Variants in PRAG1 observed in about 807,000 individuals in gnomAD.
The protein encoded by PRAG1 is PEAK1 related, kinase-activating pseudokinase 1, also known as inactive tyrosine-protein kinase PRAG1.
A neutral mutation model predicts 95.6 loss-of-function variants in PRAG1; 110 were observed. The observed-to-expected ratio is 1.15, with a 90% CI of 0.99 to 1.35. PRAG1 has a LOEUF of 1.35. PRAG1 is among the 40% of genes most tolerant of loss of function. The probability of loss-of-function intolerance (pLI) is 0.00; values close to 1 mark genes in which losing one functional copy is unlikely to be tolerated. For synonymous variants in PRAG1, 1,052 were observed against 819.4 expected, an observed-to-expected ratio of 1.28 and a Z score of -4.85; for missense variants, 2,554 against 1,864.7, an observed-to-expected ratio of 1.37 and a Z score of -6.81.
chr8:8,378,109 T>G, intron 2 of PRAG1, 31 bp from the exon 3 acceptor site: 1 of 1,508,148 alleles, frequency 6.6e-7, no homozygotes. Flanking sequence ...AAAAGACTTA[T>G]ATTAGAACTT....
Position 8,343,415 on chromosome 8 carries a change from G to A in PRAG1, c.2163-3780C>T, listed in dbSNP as rs547146626. Among the ~76,000 whole-genome samples the A allele has an allele frequency of 3.7e-4, 57 of 152,290 alleles. 1 individual carries two copies. Among genetic ancestry groups the A allele is most frequent in the African/African-American group, 1.3e-3 (55 of 41,560 alleles). On this transcript the variant is annotated intron_variant, in intron 3 of 5. Coordinates refer to ENST00000615670, the MANE Select transcript of PRAG1 (RefSeq NM_001080826.3). Reference sequence around the variant, plus strand: ...CAATGTTACTTAAATAACTAGTAATGAATGAATGGCTAAGTCACTTGAGTG... The same window carrying A: ...CAATGTTACTTAAATAACTAGTAATAAATGAATGGCTAAGTCACTTGAGTG...
intron 1 of PRAG1, among the ~76,000 whole-genome samples, chr8:8,383,308 C>T (rs946433621): frequency 6.6e-6 from 1 of 152,166 alleles, no homozygotes; most frequent in Non-Finnish European, 1.5e-5. Context: ...CGGTGGCTCA[C>T]GCCTGTAATC....
intron 3 of PRAG1, among the ~76,000 whole-genome samples, chr8:8,367,380 C>T (rs1037761091): frequency 7.9e-6 from 1 of 126,442 alleles, no homozygotes; most frequent in African/African-American, 3.1e-5. Flanking sequence ...ATCGCTTGAA[C>T]CCGGGAGGCA....
intron 4 of PRAG1, among the ~76,000 whole-genome samples, chr8:8,333,588 A>G (rs1020169439): frequency 2.6e-5 from 4 of 152,186 alleles, no homozygotes; most frequent in Non-Finnish European, 5.9e-5. Flanking sequence ...GGTTTTCCTT[A>G]TTATAGAGTC....
intron 3 of PRAG1, 80 bp from the exon 4 acceptor site, chr8:8,339,715 C>G (rs1799105770): frequency 4.2e-6 from 6 of 1,428,790 alleles, no homozygotes; most frequent in Admixed American, 2.0e-5. Context: ...CATGAACTTA[C>G]CATGCTCTTG....
intron 3 of PRAG1, among the ~76,000 whole-genome samples, chr8:8,346,192 C>T (rs962582111): frequency 7.2e-5 from 11 of 152,354 alleles, no homozygotes; most frequent in Non-Finnish European, 1.2e-4. Flanking sequence ...ATAATTTGAT[C>T]TGTCTTTCAC....
chr8:8,347,223 G>T (rs1403651904), intron 3 of PRAG1, among the ~76,000 whole-genome samples: 2 of 152,202 alleles, frequency 1.3e-5, no homozygotes, highest in African/African-American at 2.4e-5. Flanking sequence ...GACTAGCTGG[G>T]ACAGTGACTT....
intron 5 of PRAG1, 34 bp downstream of exon 5, chr8:8,327,676 G>A (rs759486364): frequency 6.3e-7 from 1 of 1,580,748 alleles, no homozygotes; most frequent in Non-Finnish European, 8.6e-7. Context: ...CCAGCCAGTG[G>A]CACAGCAGAA....
chr8:8,384,255 A>C (rs1383180060), intron 1 of PRAG1, among the ~76,000 whole-genome samples: 1 of 152,044 alleles, frequency 6.6e-6, no homozygotes, highest in Non-Finnish European at 1.5e-5. Context: ...AAGGGGTGAC[A>C]TTGGTATCAG....
intron 1 of PRAG1, among the ~76,000 whole-genome samples, chr8:8,384,817 GC>G (rs1279651937): frequency 6.6e-6 from 1 of 152,124 alleles, no homozygotes; most frequent in Non-Finnish European, 1.5e-5. Flanking sequence ...AGGGGAGGCA[GC>G]CCCCAGAATT....
chr8:8,343,740 G>C (rs757170053), intron 3 of PRAG1, among the ~76,000 whole-genome samples: 4 of 152,162 alleles, frequency 2.6e-5, no homozygotes, highest in Non-Finnish European at 5.9e-5. Context: ...TGCTGTTGTA[G>C]CTGGAAAGCC....
chr8:8,381,620 A>G lies in PRAG1; in HGVS notation c.128T>C (p.Val43Ala), dbSNP rs1482069066. 3 of 1,609,076 alleles carry G rather than the reference A, an allele frequency of 1.9e-6. No individual in the cohort carries two copies. Among genetic ancestry groups the G allele is most frequent in the Admixed American group, 1.7e-5 (1 of 59,948 alleles). ...CFCLRSDHQL[V>A]AGPPQPRAGS... ...CGCTCTGGGCTGGGGAGGGCCGGCC[A>G]CCAGCTGGTGGTCGCTCCGCAGGCA... The change falls in exon 2 of 6, where the codon GTG (valine) becomes GCG (alanine). Residue 43 changes from valine to alanine, a missense_variant. Val to Ala is a moderately conservative substitution (Grantham distance 64, BLOSUM62 0). Coordinates refer to ENST00000615670, the MANE Select transcript of PRAG1 (RefSeq NM_001080826.3).
At chr8:8,352,570 C>T (rs1430307277) in intron 3 of PRAG1, among the ~76,000 whole-genome samples, 1 of 152,190 alleles carries the variant, frequency 6.6e-6, no homozygotes, top group Non-Finnish European at 1.5e-5. Flanking sequence ...TCTATTTCTC[C>T]ATGACTCACA....
At position 8,363,106 on chromosome 8, in the gene PRAG1, T is replaced by TAC. The variant is rs1554509615; in HGVS notation, c.2162+13139_2162+13140dup. Among the ~76,000 whole-genome samples, 558 of 148,814 alleles carry TAC rather than the reference T, an allele frequency of 3.7e-3. 5 individuals carry two copies. The highest frequency in any genetic ancestry group is 0.013 in the African/African-American group (519 of 40,920). ...ATGTGTGCGTGTGTATATATATATA[T>TAC]ACTTATATATAATATACTTATCCTT... On this transcript the variant is annotated intron_variant, in intron 3 of 5. Transcript: ENST00000615670.
At chr8:8,365,547 C>T (rs1799972360) in intron 3 of PRAG1, among the ~76,000 whole-genome samples, 1 of 151,992 alleles carries the variant, frequency 6.6e-6, no homozygotes, top group Non-Finnish European at 1.5e-5. Flanking sequence ...TCACTTAAGC[C>T]CAGGAGTTGG....
Position 8,378,026 on chromosome 8 carries a change from G to T in PRAG1, c.383C>A (p.Ala128Asp), listed in dbSNP as rs778629121. ...GAAGCTGCCCAGGTAGACGACGGGG[G>T]CATCCTCCTGCTTCGGGAGGGGGAG... ...GKLPLPKQED[A>D]PVVYLGSFRG... is the part of the protein sequence containing the mutation. The change falls in exon 3 of 6, where the codon GCC becomes GAC. Residue 128 changes from alanine (A) to aspartate (D), a missense_variant. Physicochemically the swap from Ala to Asp is moderately radical, Grantham distance 126. Coordinates refer to ENST00000615670, the MANE Select transcript of PRAG1 (RefSeq NM_001080826.3). The T allele has an allele frequency of 3.8e-6, 6 of 1,573,248 alleles. No individual in the cohort carries two copies. The highest frequency in any genetic ancestry group is 5.2e-6 in the Non-Finnish European group (6 of 1,158,182).
At chr8:8,349,706 C>T (rs1242473470) in intron 3 of PRAG1, among the ~76,000 whole-genome samples, 1 of 152,042 alleles carries the variant, frequency 6.6e-6, no homozygotes, top group Non-Finnish European at 1.5e-5. Context: ...TGTTTTCCAC[C>T]CGCTGATTTA....
chr8:8,365,271 C>A (rs766440695), intron 3 of PRAG1, among the ~76,000 whole-genome samples: 2 of 152,092 alleles, frequency 1.3e-5, no homozygotes, highest in Admixed American at 6.5e-5. Context: ...CTATCCCTCC[C>A]AAAGATTCTG....
chr8:8,318,716 G>A lies in PRAG1; in HGVS notation c.3659C>T (p.Ala1220Val). 6.2e-7 allele frequency: 1 copy of A among 1,609,554 alleles called. No individual in the cohort carries two copies. The change falls in exon 6 of 6, where the codon GCC becomes GTC. Residue 1220 changes from alanine to valine, a missense_variant. By Grantham distance (64) the Ala-to-Val change is moderately conservative (BLOSUM62 0). Transcript: ENST00000615670. The surrounding 1 kb of genome is among the most constrained non-coding windows in gnomAD (Gnocchi z 4.2). Reference protein sequence around the residue: ...PRLIISNFLKAKQKPGGTPNL... With the variant: ...PRLIISNFLKVKQKPGGTPNL... Reference sequence around the variant, plus strand: ...TGGGGTGCCGCCCGGCTTCTGCTTGGCCTTCAAAAAGTTGCTGATGATGAG... The same window carrying A: ...TGGGGTGCCGCCCGGCTTCTGCTTGACCTTCAAAAAGTTGCTGATGATGAG...
Sources: gnomAD v4.1 joint callset for allele counts (sites outside exome capture counted in the v4.1 genomes callset) on GRCh38, gnomAD v4.1.1 for gene constraint, Gnocchi (gnomAD v3.1) non-coding constraint, MANE v1.5 for transcripts, NCBI Gene and HGNC (gene_info 2026-07-23, HGNC 2026-07-21) for gene names.